The following KIF7 variants were observed in gnomAD, a reference collection of about 807,000 sequenced individuals.
KIF7 encodes the protein kinesin-like protein KIF7.
A neutral mutation model predicts 135.7 loss-of-function variants in KIF7; 104 were observed. That is an observed-to-expected ratio of 0.77 (90% CI 0.65 to 0.90). The LOEUF is 0.90. Ranked by LOEUF, KIF7 falls within the 40% of genes least tolerant of loss-of-function variation. KIF7 has a pLI of 0.00. For missense variants in KIF7, 2,005 were observed against 1,839.1 expected, an observed-to-expected ratio of 1.09 and a Z score of -1.65; for synonymous variants, 883 against 809.4, an observed-to-expected ratio of 1.09 and a Z score of -1.54.
rs764533193 is a variant in KIF7 at position 89,648,664 on chromosome 15, C to T, written c.1034G>A (p.Arg345His). The T allele has an allele frequency of 7.8e-6, 12 of 1,535,736 alleles. No individual in the cohort carries two copies. The highest frequency in any genetic ancestry group is 1.0e-5 in the Non-Finnish European group (12 of 1,146,326). Residue 345 changes from arginine to histidine, a missense_variant, in exon 5 of 19, where the codon CGC (arginine) becomes CAC (histidine). Arg to His is a conservative substitution (Grantham distance 29, BLOSUM62 0). Transcript: ENST00000394412. ...ETLNTLNYAS[R>H]AQNIRNRATV... Reference sequence around the variant, plus strand: ...GGCGCGGTTGCGGATGTTCTGGGCGCGGCTGGCGTAGTTGAGGGTGTTGAG... The same window carrying T: ...GGCGCGGTTGCGGATGTTCTGGGCGTGGCTGGCGTAGTTGAGGGTGTTGAG...
chr15:89,634,860 C>T (rs1016303126), intron 11 of KIF7, among the ~76,000 whole-genome samples: 75 of 152,312 alleles, frequency 4.9e-4, no homozygotes, highest in Non-Finnish European at 8.8e-4. Context: ...CTGTAGGCTC[C>T]ACCTCTGGGG....
At chr15:89,632,102 C>T (rs939632900) in intron 14 of KIF7, among the ~76,000 whole-genome samples, 2 of 152,192 alleles carry the variant, frequency 1.3e-5, no homozygotes, top group Admixed American at 6.5e-5. Flanking sequence ...GCTCTCCTGG[C>T]GGAGGGAAGT....
chr15:89,649,176 C>A lies in KIF7; in HGVS notation c.721G>T (p.Gly241Cys), dbSNP rs1004531343. 17 of 1,547,754 alleles carry A rather than the reference C, an allele frequency of 1.1e-5. No individual in the cohort carries two copies. The Middle Eastern group carries it at 1.8e-3, about 168-fold the overall frequency. The stretch of plus-strand genomic sequence containing the variant: ...TGGAACTTGGAGACGAGCAGCTGGC[C>A]CGGGGCGGGGCGGGGTAGGCGGCTG... Reference protein sequence around the residue: ...APSRLPRPAPGQLLVSKFHFV... With the variant: ...APSRLPRPAPCQLLVSKFHFV... The change falls in exon 4 of 19, where the codon GGC becomes TGC. Residue 241 changes from glycine (G) to cysteine (C), a missense_variant. Coordinates refer to ENST00000394412, the MANE Select transcript of KIF7 (RefSeq NM_198525.3).
chr15:89,651,103 T>C (rs911341756), intron 2 of KIF7, among the ~76,000 whole-genome samples: 1 of 151,892 alleles, frequency 6.6e-6, no homozygotes, highest in African/African-American at 2.4e-5. Context: ...GGCCAGTTTT[T>C]TGTTTGTTTG....
chr15:89,628,826 G>A, intron 18 of KIF7, 40 bp from the exon 19 acceptor site: 1 of 1,611,640 alleles, frequency 6.2e-7, no homozygotes, highest in Non-Finnish European at 8.5e-7. Context: ...GAAACAGGTG[G>A]CAACACCTTC....
Position 89,633,845 on chromosome 15 carries a change from C to A in KIF7, c.2433G>T (p.Val811=). The A allele has an allele frequency of 6.2e-7, 1 of 1,613,726 alleles. No homozygotes were observed. Among genetic ancestry groups the A allele is most frequent in the South Asian group, 1.1e-5 (1 of 91,088 alleles). ...KEKKQATERL[V]SLSAQSEKRL... ...GCTTCTCACTCTGGGCCGACAGTGACACCAGCCGCTCCGTAGCCTGCTTCT... is the reference window on the plus strand; with the variant it reads ...GCTTCTCACTCTGGGCCGACAGTGAAACCAGCCGCTCCGTAGCCTGCTTCT... Residue 811 remains valine, a synonymous_variant, in exon 12 of 19, where the codon GTG becomes GTT. Transcript: ENST00000394412.
chr15:89,636,024 C>A (rs1010173534), intron 11 of KIF7, among the ~76,000 whole-genome samples: 1 of 152,058 alleles, frequency 6.6e-6, no homozygotes, highest in Non-Finnish European at 1.5e-5. Flanking sequence ...GGTCAATATT[C>A]AACATTCTTA....
Position 89,628,488 on chromosome 15 carries a change from C to T in KIF7, c.3963G>A (p.Leu1321=), listed in dbSNP as rs1458283650. ...GTCGCAGTTCCCGCCGGGGCTTGGA[C>T]AAAGGCCCAAAGTTCCAGGGCAGGC... ...EAGLPWNFGP[L]SKPRRELRRA... Residue 1321 remains leucine (L), a synonymous_variant, in exon 19 of 19, where the codon TTG becomes TTA. Transcript: ENST00000394412. The T allele has an allele frequency of 1.2e-6, 2 of 1,612,180 alleles. No individual in the cohort carries two copies. The highest frequency in any genetic ancestry group is 1.3e-5 in the African/African-American group (1 of 74,916).
At chr15:89,658,059 G>A (rs544055779), upstream of KIF7, among the ~76,000 whole-genome samples, 4 of 152,318 alleles carry the variant, frequency 2.6e-5, no homozygotes, top group East Asian at 3.9e-4. Context: ...CCATCAGGCC[G>A]AACCTGGTCC....
chr15:89,624,117 C>A, downstream of KIF7: 1 of 1,613,876 alleles, frequency 6.2e-7, no homozygotes, highest in Non-Finnish European at 8.5e-7. Context: ...ACCAACAGCC[C>A]CATGTCCTCA....
chr15:89,626,726 GT>G (rs543353029), downstream of KIF7, among the ~76,000 whole-genome samples: 329 of 152,240 alleles, frequency 2.2e-3, no homozygotes, highest in African/African-American at 7.6e-3. Context: ...CAAACCACAG[GT>G]ACTTTGCATT....
intron 16 of KIF7, 138 bp downstream of exon 16, chr15:89,630,149 G>A (rs577033655): frequency 1.6e-5 from 12 of 762,918 alleles, no homozygotes; most frequent in Middle Eastern, 3.5e-4. Context: ...AAGGTCAGGC[G>A]GCCCTGCAGA....
intron 11 of KIF7, among the ~76,000 whole-genome samples, chr15:89,635,594 G>C (rs555215071): frequency 1.3e-5 from 2 of 152,262 alleles, no homozygotes; most frequent in African/African-American, 4.8e-5. Flanking sequence ...AATATGAAGT[G>C]AATGAAATGA....
At position 89,631,583 on chromosome 15, in the gene KIF7, T is replaced by G. The variant is rs769931246; in HGVS notation, c.3023A>C (p.Asp1008Ala). 6.4e-7 allele frequency: 1 copy of G among 1,566,454 alleles called. No homozygotes were observed. Among genetic ancestry groups the G allele is most frequent in the East Asian group, 2.4e-5 (1 of 42,214 alleles). ...CGAGTCCTTCTCCTGGCGCAGGCTG[T>G]CGATCTCCCCGCGGATCTGCTGCTG... Reference protein sequence around the residue: ...QSQQQIRGEIDSLRQEKDSLL... With the variant: ...QSQQQIRGEIASLRQEKDSLL... The change falls in exon 15 of 19, where the codon GAC (aspartate) becomes GCC (alanine). Residue 1008 changes from aspartate to alanine, a missense_variant. Transcript: ENST00000394412.
At chr15:89,620,956 A>T (rs1223902974) in intron 1 of KIF7, among the ~76,000 whole-genome samples, 1 of 150,880 alleles carries the variant, frequency 6.6e-6, no homozygotes, top group Non-Finnish European at 1.5e-5. Context: ...TCTCCGACTT[A>T]GTGATCTGCC....
chr15:89,645,513 C>G, intron 8 of KIF7, 62 bp from the exon 9 acceptor site: 2 of 1,363,308 alleles, frequency 1.5e-6, no homozygotes, highest in Non-Finnish European at 2.1e-6. Context: ...TAGCCACCCC[C>G]AGGCCTGGAG....
chr15:89,624,866 T>C (rs1267691849), downstream of KIF7: 2 of 1,614,016 alleles, frequency 1.2e-6, no homozygotes, highest in East Asian at 4.5e-5. Flanking sequence ...GGCTCTCCTC[T>C]GATGCCTTCC....
At chr15:89,618,264 C>G (rs893330588) in intron 1 of KIF7, 1 of 1,526,388 alleles carries the variant, frequency 6.6e-7, no homozygotes, top group African/African-American at 1.4e-5. Flanking sequence ...TCTATGAAAA[C>G]CTTTCTGTAT....
chr15:89,629,141 G>C lies in KIF7; in HGVS notation c.3518-19C>G, dbSNP rs1206324466. On this transcript the variant is annotated intron_variant, in intron 17 of 18. Coordinates refer to ENST00000394412, the MANE Select transcript of KIF7 (RefSeq NM_198525.3). The stretch of plus-strand genomic sequence containing the variant: ...AGGTGGTCTAGAGTGGAAAGGTCGA[G>C]GAGAGGGTGGTGAGGGCTGCAGGCG... The C allele has an allele frequency of 6.2e-7, 1 of 1,611,260 alleles. No homozygotes were observed. Among genetic ancestry groups the C allele is most frequent in the African/African-American group, 1.4e-5 (1 of 73,988 alleles).
Sources: allele counts gnomAD v4.1 joint callset (sites outside exome capture counted in the v4.1 genomes callset), GRCh38; gene constraint gnomAD v4.1.1; transcripts MANE v1.5; gene names NCBI Gene and HGNC (gene_info 2026-07-23, HGNC 2026-07-21).